Variants in KIAA1671 observed in about 807,000 individuals in gnomAD.
KIAA1671 encodes KIAA1671, also known as uncharacterized protein KIAA1671.
A neutral mutation model predicts 131.2 loss-of-function variants in KIAA1671; 52 were observed. The ratio of observed to expected loss-of-function variants is 0.40; its 90% CI spans 0.32 to 0.50. The LOEUF (loss-of-function observed/expected upper bound fraction) is 0.50, where lower values mean the gene tolerates loss of function less well. Among genes scored for constraint, KIAA1671 ranks in the 20% least tolerant of loss-of-function variants. KIAA1671 has a pLI of 0.73. For missense variants in KIAA1671, 2,360 were observed against 2,364.2 expected, an observed-to-expected ratio of 1.00 and a Z score of 0.04; for synonymous variants, 1,003 against 961.6, an observed-to-expected ratio of 1.04 and a Z score of -0.80.
intron 6 of KIAA1671, among the ~76,000 whole-genome samples, chr22:25,127,860 C>T (rs906004239): frequency 6.6e-6 from 1 of 152,190 alleles, no homozygotes; most frequent in Non-Finnish European, 1.5e-5. Context: ...TTTTCAACAA[C>T]TTAGTGCCAT....
At chr22:24,978,220 G>A (rs944081555) in intron 1 of KIAA1671, among the ~76,000 whole-genome samples, 16 of 152,112 alleles carry the variant, frequency 1.1e-4, no homozygotes, top group African/African-American at 3.6e-4. Flanking sequence ...AATCACGGGG[G>A]CGGTTTTCCC....
intron 6 of KIAA1671, among the ~76,000 whole-genome samples, chr22:25,158,015 G>A (rs551709288): frequency 6.6e-6 from 1 of 152,026 alleles, no homozygotes; most frequent in Admixed American, 6.6e-5. Context: ...TAGAGATGGG[G>A]TTTCACTGTG....
intron 6 of KIAA1671, among the ~76,000 whole-genome samples, chr22:25,105,455 T>A (rs1009194717): frequency 1.3e-5 from 2 of 152,232 alleles, no homozygotes; most frequent in African/African-American, 4.8e-5. Flanking sequence ...GGATTAATTA[T>A]GTAAGAAAAA....
intron 6 of KIAA1671, among the ~76,000 whole-genome samples, chr22:25,071,530 A>G (rs947578905): frequency 3.3e-5 from 5 of 149,426 alleles, no homozygotes; most frequent in African/African-American, 1.2e-4. Context: ...TGTTTTAATT[A>G]CAAAAATAAT....
At chr22:24,958,089 C>T (rs1352161913) in intron 1 of KIAA1671, among the ~76,000 whole-genome samples, 1 of 151,354 alleles carries the variant, frequency 6.6e-6, no homozygotes, top group Non-Finnish European at 1.5e-5. Context: ...TGCGAGGTCA[C>T]GCAGCGGGAA....
At position 25,029,276 on chromosome 22, in the gene KIAA1671, C is replaced by T. The variant is rs929699501; in HGVS notation, c.1277C>T (p.Ala426Val). The T allele has an allele frequency of 1.0e-5, 15 of 1,506,440 alleles. No individual in the cohort carries two copies. The highest frequency in any genetic ancestry group is 4.2e-5 in the African/African-American group (3 of 72,254). The allele number at this position is 1,506,440 out of a possible 1,614,324, so 93.3% of individuals were successfully genotyped here. The change falls in exon 3 of 13, where the codon GCG (alanine) becomes GTG (valine). Residue 426 changes from alanine to valine, a missense_variant. Physicochemically the swap from Ala to Val is moderately conservative, Grantham distance 64 (BLOSUM62 0). Around this residue, in one of 3 missense-constraint regions of KIAA1671, gnomAD observed 1,185 missense variants for 1,126.2 expected, o/e 1.05. Transcript: ENST00000358431. ...AGCAGAGTGGCGGATGGGGAGGCCG[C>T]GGCAGGGGGAGAGTGGGCCTCCAGG... is the stretch of plus-strand genomic sequence containing the variant. ...VKSRVADGEA[A>V]AGGEWASRRS...
intron 6 of KIAA1671, among the ~76,000 whole-genome samples, chr22:25,151,035 C>T (rs148334065): frequency 1.3e-5 from 2 of 151,736 alleles, no homozygotes; most frequent in African/African-American, 4.8e-5. Flanking sequence ...GGGGTTTCAC[C>T]GTGTTAGCCA....
Position 25,073,646 on chromosome 22 carries a change from T to C in KIAA1671, c.4530+24282T>C, listed in dbSNP as rs1928944467. Among the ~76,000 whole-genome samples the C allele has an allele frequency of 2.0e-5, 3 of 152,226 alleles. No individual in the cohort carries two copies. The South Asian group carries it at 6.2e-4, about 32-fold the overall frequency. On this transcript the variant is annotated intron_variant, in intron 6 of 12. Transcript: ENST00000358431. ...CATACTCATCCTTTAGAACTGCAAC[T>C]TTGTACCCTTTAACATCTTTCCATT...
chr22:25,070,184 CCCCAG>C (rs1928740187), intron 6 of KIAA1671: 2 of 390,610 alleles, frequency 5.1e-6, no homozygotes, highest in Non-Finnish European at 9.0e-6. Context: ...CTTCTCAGTT[CCCCAG>C]GCAGCCGTGG....
At chr22:25,140,272 G>A (rs560442503) in intron 6 of KIAA1671, among the ~76,000 whole-genome samples, 6 of 152,352 alleles carry the variant, frequency 3.9e-5, no homozygotes, top group Non-Finnish European at 7.3e-5. Context: ...GAGGCTGTCC[G>A]CAGTTCCTTG....
At chr22:25,103,084 TG>T (rs1930778558) in intron 6 of KIAA1671, among the ~76,000 whole-genome samples, 2 of 152,128 alleles carry the variant, frequency 1.3e-5, no homozygotes, top group Non-Finnish European at 2.9e-5. Flanking sequence ...ACAAGAGGCC[TG>T]GGGAACAACC....
intron 1 of KIAA1671, among the ~76,000 whole-genome samples, chr22:25,021,038 C>T (rs1925640306): frequency 6.6e-6 from 1 of 152,096 alleles, no homozygotes; most frequent in East Asian, 1.9e-4. Context: ...GAGGCCACAG[C>T]TGAGGCAGAA....
intron 6 of KIAA1671, among the ~76,000 whole-genome samples, chr22:25,151,025 G>A (rs1933020479): frequency 6.6e-6 from 1 of 151,784 alleles, no homozygotes; most frequent in African/African-American, 2.4e-5. Context: ...TAGTAGAGAC[G>A]GGGTTTCACC....
rs1934729950 is a variant in KIAA1671, at chr22:25,193,413, T to C, written c.*1012T>C. On this transcript the variant is annotated 3_prime_UTR_variant, in exon 13 of 13. Coordinates refer to ENST00000358431, the MANE Select transcript of KIAA1671 (RefSeq NM_001145206.2). Reference sequence around the variant, plus strand: ...TTTTCTCCAGAGTCTTCTTTGAACATGACGTGGGCTGCTGGCATGGAGGAG... The same window carrying C: ...TTTTCTCCAGAGTCTTCTTTGAACACGACGTGGGCTGCTGGCATGGAGGAG... 6.6e-6 allele frequency: 1 copy of C among 152,252 alleles called. No individual in the cohort carries two copies. The highest frequency in any genetic ancestry group is 2.4e-5 in the African/African-American group (1 of 41,460). The allele number at this position is 152,252 out of a possible 1,614,324, so 9.4% of individuals were successfully genotyped here.
chr22:25,098,198 G>A (rs980616838), intron 6 of KIAA1671, among the ~76,000 whole-genome samples: 4 of 152,212 alleles, frequency 2.6e-5, no homozygotes, highest in Non-Finnish European at 2.9e-5. Context: ...AGCAGAGAAG[G>A]CTTCCTGGAG....
intron 1 of KIAA1671, among the ~76,000 whole-genome samples, chr22:25,003,687 CA>C (rs1197931625): frequency 6.6e-6 from 1 of 152,102 alleles, no homozygotes; most frequent in Admixed American, 6.6e-5. Flanking sequence ...GCTGGGATTA[CA>C]GGCGTGAACC....
intron 6 of KIAA1671, among the ~76,000 whole-genome samples, chr22:25,144,740 G>A (rs1406977454): frequency 1.3e-5 from 2 of 152,148 alleles, no homozygotes; most frequent in Non-Finnish European, 2.9e-5. Flanking sequence ...ACTTGCCCAG[G>A]GCCCCACTCC....
intron 6 of KIAA1671, among the ~76,000 whole-genome samples, chr22:25,065,441 T>C (rs1320906610): frequency 6.6e-6 from 1 of 152,056 alleles, no homozygotes; most frequent in African/African-American, 2.4e-5. Flanking sequence ...CACATAGGAA[T>C]GCGGGCCACT....
rs528464412 is a variant in KIAA1671, at chr22:25,138,637, A to G, written c.4531-32183A>G. 4.6e-5 allele frequency among the ~76,000 whole-genome samples: 7 copies of G among 152,288 alleles called. No homozygotes were observed. In the South Asian group the frequency reaches 1.5e-3, roughly 32 times the overall value. On this transcript the variant is annotated intron_variant, in intron 6 of 12. Transcript: ENST00000358431. ...ATGTACAGCCCCATCTCTGATTTTGATATATTCATTCATTTATTCATCTGT... is the reference window on the plus strand; with the variant it reads ...ATGTACAGCCCCATCTCTGATTTTGGTATATTCATTCATTTATTCATCTGT...
Sources: gnomAD v4.1 joint callset for allele counts (sites outside exome capture counted in the v4.1 genomes callset) on GRCh38, gnomAD v4.1.1 for gene constraint, gnomAD v4.1.1 regional missense constraint, MANE v1.5 for transcripts, NCBI Gene and HGNC (gene_info 2026-07-23, HGNC 2026-07-21) for gene names.